DLGAP3: variants seen among roughly 807,000 people sequenced by gnomAD.
DLGAP3 encodes disks large-associated protein 3.
A neutral mutation model predicts 81.2 loss-of-function variants in DLGAP3; 17 were observed. The observed-to-expected ratio is 0.21, with a 90% CI of 0.14 to 0.31. DLGAP3 has a LOEUF of 0.31. Among genes scored for constraint, DLGAP3 ranks in the 10% least tolerant of loss-of-function variants. DLGAP3 has a pLI of 1.00. For missense variants in DLGAP3, 1,124 were observed against 1,388.0 expected (o/e 0.81, Z 3.02); for synonymous variants, 577 against 587.4 (o/e 0.98, Z 0.26).
chr1:34,867,288 G>A lies in DLGAP3; in HGVS notation c.2578-97C>T. On this transcript the variant is annotated intron_variant, in intron 10 of 11. Coordinates refer to ENST00000373347, the MANE Select transcript of DLGAP3 (RefSeq NM_001080418.3). The surrounding 1 kb of genome is among the most constrained non-coding windows in gnomAD (Gnocchi z 4.3). The stretch of plus-strand genomic sequence containing the variant: ...TCCTATCCACCCTTACTGCCAGGAA[G>A]CTCAGCCTGGGAGAGTGGGTGGGGG... 1 of 1,560,038 alleles carries A rather than the reference G, an allele frequency of 6.4e-7. No homozygotes were observed. The highest frequency in any genetic ancestry group is 8.8e-7 in the Non-Finnish European group (1 of 1,135,732).
chr1:34,901,678 T>C (rs1272133828), intron 3 of DLGAP3, among the ~76,000 whole-genome samples: 1 of 152,190 alleles, frequency 6.6e-6, no homozygotes, highest in Admixed American at 6.5e-5. Context: ...AAAGTAGCTT[T>C]TGAAGATAGC....
intron 1 of DLGAP3, among the ~76,000 whole-genome samples, chr1:34,911,854 G>C (rs573262965): frequency 2.0e-5 from 3 of 152,236 alleles, no homozygotes; most frequent in Non-Finnish European, 2.9e-5. Flanking sequence ...ATGGGAGAAG[G>C]AGTCAGAGTG....
At position 34,905,047 on chromosome 1, in the gene DLGAP3, C is replaced by A; in HGVS notation, c.337G>T (p.Gly113Cys). 1.2e-6 allele frequency: 2 copies of A among 1,601,108 alleles called. No individual in the cohort carries two copies. The highest frequency in any genetic ancestry group is 1.7e-6 in the Non-Finnish European group (2 of 1,173,958). The change falls in exon 3 of 12, where the codon GGT (glycine) becomes TGT (cysteine). Residue 113 changes from glycine to cysteine, a missense_variant. By Grantham distance (159) the Gly-to-Cys change is radical (BLOSUM62 -3). Coordinates refer to ENST00000373347, the MANE Select transcript of DLGAP3 (RefSeq NM_001080418.3). ...EDCVGHPQGK[G>C]APRLPPTLLD... ...AGTGTAGGAGGCAGGCGGGGGGCACCCTTGCCCTGTGGGTGGCCCACACAG... is the reference window on the plus strand; with the variant it reads ...AGTGTAGGAGGCAGGCGGGGGGCACACTTGCCCTGTGGGTGGCCCACACAG...
chr1:34,867,203 G>A lies in DLGAP3; in HGVS notation c.2578-12C>T, dbSNP rs1638897806. 6.2e-6 allele frequency: 10 copies of A among 1,614,072 alleles called. No homozygotes were observed. The highest frequency in any genetic ancestry group is 7.6e-6 in the Non-Finnish European group (9 of 1,180,018). ...AACGCAGTGGGATCCTGCAACAGAGGAAGATGGAGGGAAAGTGATTGGTCA... is the reference window on the plus strand; with the variant it reads ...AACGCAGTGGGATCCTGCAACAGAGAAAGATGGAGGGAAAGTGATTGGTCA... On this transcript the variant is annotated splice_polypyrimidine_tract_variant and intron_variant, in intron 10 of 11. Coordinates refer to ENST00000373347, the MANE Select transcript of DLGAP3 (RefSeq NM_001080418.3). The surrounding 1 kb of genome is among the most constrained non-coding windows in gnomAD (Gnocchi z 4.3).
chr1:34,922,712 T>C (rs1639814201), intron 1 of DLGAP3, among the ~76,000 whole-genome samples: 3 of 152,188 alleles, frequency 2.0e-5, no homozygotes, highest in African/African-American at 2.4e-5. Flanking sequence ...CACAGTCATA[T>C]ACTCACTCAC....
At chr1:34,872,155 G>C (rs1638990269) in intron 8 of DLGAP3, among the ~76,000 whole-genome samples, 1 of 152,196 alleles carries the variant, frequency 6.6e-6, no homozygotes, top group Non-Finnish European at 1.5e-5. Context: ...CAGAAAGGAA[G>C]GGGGAGAAAA....
At chr1:34,884,518 T>C (rs759263755) in intron 8 of DLGAP3, among the ~76,000 whole-genome samples, 1 of 150,666 alleles carries the variant, frequency 6.6e-6, no homozygotes, top group Admixed American at 6.6e-5. Context: ...GTTAAATGCT[T>C]GTGTGAGCCA....
intron 5 of DLGAP3, among the ~76,000 whole-genome samples, chr1:34,889,929 A>G (rs1639288214): frequency 6.6e-6 from 1 of 152,180 alleles, no homozygotes; most frequent in Non-Finnish European, 1.5e-5. Context: ...TTAGGTTTTA[A>G]CACCCACTTG....
chr1:34,871,833 C>T (rs1638985027), intron 8 of DLGAP3, among the ~76,000 whole-genome samples: 1 of 152,144 alleles, frequency 6.6e-6, no homozygotes. Flanking sequence ...GACCAAGTGC[C>T]CCAGGCTGCA....
chr1:34,905,344 G>A lies in DLGAP3; in HGVS notation c.40C>T (p.Pro14Ser), dbSNP rs1409887611. ...TGCTGTTGGTCAGCAAAGCGGGCTG[G>A]GCGGGGATGGCTGCCTCGGTCGCCA... ...YHGDRGSHPR[P>S]ARFADQQHMD... Residue 14 changes from proline (P) to serine (S), a missense_variant, in exon 3 of 12, where the codon CCA (proline) becomes TCA (serine). Coordinates refer to ENST00000373347, the MANE Select transcript of DLGAP3 (RefSeq NM_001080418.3). 6.4e-7 allele frequency: 1 copy of A among 1,557,538 alleles called. No individual in the cohort carries two copies.
At chr1:34,884,909 G>C (rs755318669) in intron 8 of DLGAP3, 69 bp downstream of exon 8, 21 of 1,186,116 alleles carry the variant, frequency 1.8e-5, no homozygotes, top group Non-Finnish European at 2.6e-5. Context: ...CTGGGCTAGT[G>C]GGGACACTAT....
In DLGAP3 at chr1:34,872,382, G is replaced by A. The variant is rs1428958085; in HGVS notation, c.2001-3293C>T. 5.3e-5 allele frequency among the ~76,000 whole-genome samples: 8 copies of A among 152,298 alleles called. No homozygotes were observed. The South Asian group carries it at 1.5e-3, about 28-fold the overall frequency. ...CAGGAGGTGGAGAAAACTAGTCAAG[G>A]CAACCCTCAGAAAGCCTGGCTGAGA... On this transcript the variant is annotated intron_variant, in intron 8 of 11. Coordinates refer to ENST00000373347, the MANE Select transcript of DLGAP3 (RefSeq NM_001080418.3).
At chr1:34,886,590 A>G (rs1364351967) in intron 5 of DLGAP3, among the ~76,000 whole-genome samples, 4 of 137,008 alleles carry the variant, frequency 2.9e-5, no homozygotes, top group African/African-American at 1.1e-4. Context: ...ACTGCAGACC[A>G]CCATGTTTTT....
intron 1 of DLGAP3, among the ~76,000 whole-genome samples, chr1:34,925,919 C>A (rs1569675113): frequency 6.6e-6 from 1 of 152,192 alleles, no homozygotes; most frequent in Non-Finnish European, 1.5e-5. Flanking sequence ...TACCTGGACA[C>A]CCCCACAAAC....
At chr1:34,875,282 G>C (rs747838114) in intron 8 of DLGAP3, among the ~76,000 whole-genome samples, 2 of 152,184 alleles carry the variant, frequency 1.3e-5, no homozygotes, top group African/African-American at 4.8e-5. Flanking sequence ...CCTCCACAGA[G>C]TTCTCCAGGT....
Position 34,904,203 on chromosome 1 carries a change from C to T in DLGAP3, c.1107+74G>A. Reference sequence around the variant, plus strand: ...AGGGACAGCTGGCTCCCACCCAACCCTTTCCACTGCTCCCTAGTTGACAAG... The same window carrying T: ...AGGGACAGCTGGCTCCCACCCAACCTTTTCCACTGCTCCCTAGTTGACAAG... On this transcript the variant is annotated intron_variant, in intron 3 of 11. Coordinates refer to ENST00000373347, the MANE Select transcript of DLGAP3 (RefSeq NM_001080418.3). This position sits in a 1 kb window ranked among gnomAD's most constrained non-coding sequence, Gnocchi z 8.1. The T allele has an allele frequency of 1.3e-6, 2 of 1,579,112 alleles. No individual in the cohort carries two copies. Among genetic ancestry groups the T allele is most frequent in the Non-Finnish European group, 1.7e-6 (2 of 1,162,394 alleles).
rs1490732279 is a variant in DLGAP3, at chr1:34,868,710, C to T, written c.2380G>A (p.Asp794Asn). The T allele has an allele frequency of 3.1e-6, 5 of 1,610,916 alleles. No homozygotes were observed. The highest frequency in any genetic ancestry group is 3.3e-5 in the Admixed American group (2 of 60,008). Reference sequence around the variant, plus strand: ...AGCATCTTGATGAACCACTCGCCGTCGCGTGGGCAGGGGGATGCGCGGCCT... The same window carrying T: ...AGCATCTTGATGAACCACTCGCCGTTGCGTGGGCAGGGGGATGCGCGGCCT... ...DSGRASPCPR[D>N]GEWFIKMLRA... The change falls in exon 9 of 12, where the codon GAC (aspartate) becomes AAC (asparagine). Residue 794 changes from aspartate (D) to asparagine (N), a missense_variant. Coordinates refer to ENST00000373347, the MANE Select transcript of DLGAP3 (RefSeq NM_001080418.3). The surrounding 1 kb of genome is among the most constrained non-coding windows in gnomAD (Gnocchi z 7.5).
chr1:34,878,134 G>T (rs1639085993), intron 8 of DLGAP3, among the ~76,000 whole-genome samples: 1 of 152,050 alleles, frequency 6.6e-6, no homozygotes, highest in African/African-American at 2.4e-5. Flanking sequence ...GCGAAACCCT[G>T]TCTCTCCTAA....
At chr1:34,871,260 C>G (rs1014389240) in intron 8 of DLGAP3, among the ~76,000 whole-genome samples, 1 of 152,214 alleles carries the variant, frequency 6.6e-6, no homozygotes, top group African/African-American at 2.4e-5. Context: ...TCATCTCCCC[C>G]ACATTCTCCT....
Sources: gnomAD v4.1 joint callset for allele counts (sites outside exome capture counted in the v4.1 genomes callset) on GRCh38, gnomAD v4.1.1 for gene constraint, Gnocchi (gnomAD v3.1) non-coding constraint, MANE v1.5 for transcripts, NCBI Gene and HGNC (gene_info 2026-07-23, HGNC 2026-07-21) for gene names.